Variants in RPS6KC1 observed in about 807,000 individuals in gnomAD.
RPS6KC1 encodes inactive ribosomal protein S6 kinase delta-1.
In RPS6KC1, 54 loss-of-function variants were observed where a neutral mutation model predicts 103.8. The ratio of observed to expected loss-of-function variants is 0.52; its 90% confidence interval spans 0.42 to 0.65. The LOEUF is 0.65. RPS6KC1 is among the 30% of genes least tolerant of loss of function. RPS6KC1 has a pLI of 0.00. For synonymous variants in RPS6KC1, 439 were observed against 438.7 expected (o/e 1.00, Z -0.01); for missense variants, 1,151 against 1,253.8 (o/e 0.92, Z 1.24).
the RPS6KC1 span, among the ~76,000 whole-genome samples, chr1:213,336,457 G>A: frequency 6.6e-6 from 1 of 152,180 alleles, no homozygotes. Flanking sequence ...GTACATATTT[G>A]TTGTTAAGAG....
the RPS6KC1 span, among the ~76,000 whole-genome samples, chr1:213,804,171 CT>C: frequency 2.1e-5 from 1 of 47,384 alleles, no homozygotes. Context: ...AGTGGCTAAT[CT>C]TAAAAAAAAA....
chr1:213,744,317 A>T, the RPS6KC1 span, among the ~76,000 whole-genome samples: 1 of 152,210 alleles, frequency 6.6e-6, no homozygotes, highest in African/African-American at 2.4e-5. Flanking sequence ...AAAAAATAAA[A>T]AAAACCTCTA....
chr1:213,140,291 A>G (rs1020417735), intron 6 of RPS6KC1, among the ~76,000 whole-genome samples: 6 of 152,154 alleles, frequency 3.9e-5, no homozygotes, highest in Non-Finnish European at 8.8e-5. Flanking sequence ...AAGAAAGATG[A>G]TTTGACTTCC....
At chr1:213,596,296 G>A in the RPS6KC1 span, among the ~76,000 whole-genome samples, 7 of 152,190 alleles carry the variant, frequency 4.6e-5, no homozygotes, top group Admixed American at 3.9e-4. Context: ...AGGAGTCAAC[G>A]CGAGTGGCTT....
chr1:213,455,696 A>C, the RPS6KC1 span, among the ~76,000 whole-genome samples: 1 of 152,202 alleles, frequency 6.6e-6, no homozygotes, highest in Non-Finnish European at 1.5e-5. Flanking sequence ...CTTGATTAAT[A>C]CCAGTTTTAA....
chr1:213,064,311 C>T lies in RPS6KC1; in HGVS notation c.106-6695C>T, dbSNP rs529998321. Among the ~76,000 whole-genome samples, 37 of 151,802 alleles carry T rather than the reference C, an allele frequency of 2.4e-4. No individual in the cohort carries two copies. The South Asian group carries it at 6.5e-3, about 27-fold the overall frequency. ...ACCTCAGGTGATCCACCTGCCTTGGCCTCCCAAAGTGTTGGGATTATAGGC... is the reference window on the plus strand; with the variant it reads ...ACCTCAGGTGATCCACCTGCCTTGGTCTCCCAAAGTGTTGGGATTATAGGC... On this transcript the variant is annotated intron_variant, in intron 1 of 14. Coordinates refer to ENST00000366960, the MANE Select transcript of RPS6KC1 (RefSeq NM_012424.6).
At chr1:213,202,532 G>C (rs2093201966) in intron 8 of RPS6KC1, among the ~76,000 whole-genome samples, 1 of 152,158 alleles carries the variant, frequency 6.6e-6, no homozygotes, top group East Asian at 1.9e-4. Context: ...AGAATCACTT[G>C]AACTCAGGAG....
intron 12 of RPS6KC1, among the ~76,000 whole-genome samples, chr1:213,255,477 C>G (rs1008784662): frequency 1.3e-5 from 2 of 152,100 alleles, no homozygotes; most frequent in Non-Finnish European, 2.9e-5. Flanking sequence ...TTTTCATTCT[C>G]TACTTTTGAT....
At chr1:213,189,398 G>A (rs557592637) in intron 8 of RPS6KC1, among the ~76,000 whole-genome samples, 2 of 148,144 alleles carry the variant, frequency 1.4e-5, no homozygotes, top group African/African-American at 5.0e-5. Context: ...GCAGTGAGCC[G>A]AGATCATGCC....
At chr1:213,320,203 C>G in the RPS6KC1 span, among the ~76,000 whole-genome samples, 3 of 152,186 alleles carry the variant, frequency 2.0e-5, no homozygotes, top group Admixed American at 6.5e-5. Flanking sequence ...CAACTCAATG[C>G]CTTTCCTTGG....
the RPS6KC1 span, among the ~76,000 whole-genome samples, chr1:213,385,991 C>T: frequency 2.0e-5 from 3 of 152,174 alleles, no homozygotes; most frequent in Non-Finnish European, 4.4e-5. Flanking sequence ...AATGTTTGTG[C>T]CCCTAAACCT....
chr1:213,640,081 A>G, the RPS6KC1 span, among the ~76,000 whole-genome samples: 4 of 152,002 alleles, frequency 2.6e-5, no homozygotes, highest in Middle Eastern at 3.4e-3. Context: ...TAGTTGCAGG[A>G]TTTTTTGGGT....
At chr1:213,407,290 G>T in the RPS6KC1 span, among the ~76,000 whole-genome samples, 2 of 152,168 alleles carry the variant, frequency 1.3e-5, no homozygotes, top group Non-Finnish European at 2.9e-5. Context: ...GGCACAAAGG[G>T]CGGCATGATT....
At chr1:213,504,947 C>T in the RPS6KC1 span, among the ~76,000 whole-genome samples, 1 of 152,138 alleles carries the variant, frequency 6.6e-6, no homozygotes, top group African/African-American at 2.4e-5. Context: ...ATGTTTACCT[C>T]ATTCCTAATC....
chr1:213,720,078 A>C, the RPS6KC1 span, among the ~76,000 whole-genome samples: 1 of 152,204 alleles, frequency 6.6e-6, no homozygotes, highest in Non-Finnish European at 1.5e-5. Context: ...AAAGAAATAC[A>C]GAGGGATCAT....
chr1:213,429,614 G>C, the RPS6KC1 span, among the ~76,000 whole-genome samples: 1 of 152,126 alleles, frequency 6.6e-6, no homozygotes, highest in African/African-American at 2.4e-5. Flanking sequence ...AGAAAAACCG[G>C]ATACTTGGAG....
the RPS6KC1 span, among the ~76,000 whole-genome samples, chr1:213,783,815 C>CAAAAAAAAAAAAAAAAAAAAAAAA: frequency 3.0e-5 from 2 of 65,992 alleles, 1 homozygote; most frequent in African/African-American, 7.4e-5. Flanking sequence ...AAGATGTTGC[C>CAAAAAAAAAAAAAAAAAAAAAAAA]AAAAAAAAAA....
At chr1:213,762,325 C>A in the RPS6KC1 span, among the ~76,000 whole-genome samples, 1 of 152,180 alleles carries the variant, frequency 6.6e-6, no homozygotes. Context: ...TTCTGCACTA[C>A]GCTGTTTCTC....
the RPS6KC1 span, among the ~76,000 whole-genome samples, chr1:213,833,771 G>T: frequency 2.0e-5 from 3 of 152,168 alleles, no homozygotes; most frequent in Admixed American, 6.5e-5. Context: ...GTAGCGGGCT[G>T]GGCTACAGGT....
Sources: gnomAD v4.1 joint callset for allele counts (sites outside exome capture counted in the v4.1 genomes callset) on GRCh38, gnomAD v4.1.1 for gene constraint, MANE v1.5 for transcripts, NCBI Gene and HGNC (gene_info 2026-07-23, HGNC 2026-07-21) for gene names.